The following DIS3L variants were observed in gnomAD, a reference collection of about 807,000 sequenced individuals.
The protein encoded by DIS3L is DIS3 like exosome 3'-5' exoribonuclease.
DIS3L carries 100 observed loss-of-function variants against 120.3 expected under a neutral mutation model. The ratio of observed to expected loss-of-function variants is 0.83; its 90% CI spans 0.71 to 0.98. The LOEUF (loss-of-function observed/expected upper bound fraction) is 0.98, where lower values mean the gene tolerates loss of function less well. Among genes scored for constraint, DIS3L ranks in the 50% least tolerant of loss-of-function variants. DIS3L has a pLI of 0.00. For synonymous variants in DIS3L, 426 were observed against 470.6 expected (o/e 0.91, Z 1.23); for missense variants, 1,196 against 1,314.2 (o/e 0.91, Z 1.39).
At chr15:66,297,901 C>T (rs1048436753) in intron 2 of DIS3L, among the ~76,000 whole-genome samples, 1 of 152,036 alleles carries the variant, frequency 6.6e-6, no homozygotes, top group Non-Finnish European at 1.5e-5. Flanking sequence ...GGAATCAGGC[C>T]AGGCTGAGTA....
chr15:66,327,880 A>T (rs1323768611), intron 12 of DIS3L, among the ~76,000 whole-genome samples: 1 of 152,114 alleles, frequency 6.6e-6, no homozygotes, highest in Non-Finnish European at 1.5e-5. Flanking sequence ...TGCCAACATG[A>T]TGAAACTCTC....
At chr15:66,323,675 C>A in intron 11 of DIS3L, 90 bp downstream of exon 11, 1 of 1,341,730 alleles carries the variant, frequency 7.5e-7, no homozygotes, top group Non-Finnish European at 1.1e-6. Flanking sequence ...TTCTTCTCTG[C>A]TATGCCCCAC....
Position 66,311,817 on chromosome 15 carries a change from C to A in DIS3L, c.652C>A (p.Gln218Lys). Residue 218 changes from glutamine (Q) to lysine (K), a missense_variant, in exon 5 of 17, where the codon CAG becomes AAG. Gln to Lys is a moderately conservative substitution (Grantham distance 53, BLOSUM62 1). Transcript: ENST00000319212. ...QSRRERENES[Q>K]ESHGKEYPEH... The stretch of plus-strand genomic sequence containing the variant: ...TCGACGGGAGAGAGAGAATGAGAGT[C>A]AGGAGAGCCATGGGAAGGAGTACCC... 6.2e-7 allele frequency: 1 copy of A among 1,614,092 alleles called. No homozygotes were observed. The highest frequency in any genetic ancestry group is 8.5e-7 in the Non-Finnish European group (1 of 1,179,998).
At chr15:66,294,522 T>C in intron 1 of DIS3L, 2 of 989,248 alleles carry the variant, frequency 2.0e-6, no homozygotes, top group Non-Finnish European at 2.4e-6. Flanking sequence ...CCTCTGCACG[T>C]TGCTTGCACG....
chr15:66,330,887 G>A (rs1327299362), intron 14 of DIS3L, among the ~76,000 whole-genome samples: 1 of 152,200 alleles, frequency 6.6e-6, no homozygotes, highest in Non-Finnish European at 1.5e-5. Flanking sequence ...AGGTGCAGTG[G>A]CTCACGACTG....
chr15:66,308,599 G>T (rs762231227), intron 3 of DIS3L, 110 bp from the exon 4 acceptor site: 4 of 1,350,386 alleles, frequency 3.0e-6, no homozygotes, highest in South Asian at 1.9e-5. Context: ...TTGAACGAAT[G>T]AATGGTTATC....
intron 3 of DIS3L, among the ~76,000 whole-genome samples, chr15:66,308,186 C>T (rs2140345392): frequency 6.6e-6 from 1 of 152,262 alleles, no homozygotes; most frequent in Middle Eastern, 3.4e-3. Flanking sequence ...TCAGTCAATC[C>T]AGTCCTGCAC....
chr15:66,300,741 G>A (rs1181764608), intron 2 of DIS3L, among the ~76,000 whole-genome samples: 2 of 152,166 alleles, frequency 1.3e-5, no homozygotes, highest in African/African-American at 4.8e-5. Context: ...TGGAGAGAGG[G>A]AACACTAGAG....
At chr15:66,319,589 A>T (rs965501936) in intron 8 of DIS3L, among the ~76,000 whole-genome samples, 41 of 152,230 alleles carry the variant, frequency 2.7e-4, no homozygotes, top group African/African-American at 8.9e-4. Context: ...AAGTATGGGC[A>T]TTGCCCAATT....
intron 2 of DIS3L, among the ~76,000 whole-genome samples, chr15:66,297,807 T>C (rs1424530299): frequency 6.6e-6 from 1 of 152,188 alleles, no homozygotes; most frequent in Non-Finnish European, 1.5e-5. Flanking sequence ...GCTTGTTCCT[T>C]TTGACTCCCT....
chr15:66,305,223 A>G (rs527670502), intron 2 of DIS3L, among the ~76,000 whole-genome samples: 1 of 151,802 alleles, frequency 6.6e-6, no homozygotes, highest in South Asian at 2.1e-4. Context: ...GATGGTCTCG[A>G]TCTCCTGACC....
chr15:66,306,721 A>G, intron 2 of DIS3L, 103 bp from the exon 3 acceptor site: 3 of 1,497,878 alleles, frequency 2.0e-6, no homozygotes, highest in Non-Finnish European at 2.7e-6. Flanking sequence ...AAAGTAATCA[A>G]TCTTTTGCTC....
chr15:66,310,113 CT>C (rs1453505388), intron 4 of DIS3L, among the ~76,000 whole-genome samples: 1 of 152,136 alleles, frequency 6.6e-6, no homozygotes, highest in Non-Finnish European at 1.5e-5. Context: ...GAATAAGGCC[CT>C]GTATTACCCC....
intron 9 of DIS3L, among the ~76,000 whole-genome samples, chr15:66,321,578 A>G (rs1487682895): frequency 6.6e-6 from 1 of 152,102 alleles, no homozygotes; most frequent in Non-Finnish European, 1.5e-5. Context: ...CCTGGCCAAC[A>G]TGATGAAACC....
chr15:66,295,083 A>C lies in DIS3L; in HGVS notation c.235A>C (p.Lys79Gln). 6.2e-7 allele frequency: 1 copy of C among 1,614,146 alleles called. No homozygotes were observed. The highest frequency in any genetic ancestry group is 8.5e-7 in the Non-Finnish European group (1 of 1,180,022). ...TGAGATCCTTGAGTTTCCTGAGTTG[A>C]AGGGAATTATTTTCATGCAGACAGC... The part of the protein sequence containing the change: ...YLEILEFPEL[K>Q]GIIFMQTACQ... Residue 79 changes from lysine to glutamine, a missense_variant, in exon 2 of 17, where the codon AAG (lysine) becomes CAG (glutamine). Transcript: ENST00000319212.
At chr15:66,327,967 G>A (rs951675798) in intron 12 of DIS3L, among the ~76,000 whole-genome samples, 5 of 152,120 alleles carry the variant, frequency 3.3e-5, no homozygotes, top group South Asian at 2.1e-4. Flanking sequence ...TGCGAGAATC[G>A]CTTGAACCTG....
intron 4 of DIS3L, among the ~76,000 whole-genome samples, chr15:66,309,606 T>C (rs551402550): frequency 1.7e-4 from 26 of 152,172 alleles, no homozygotes; most frequent in African/African-American, 5.5e-4. Context: ...ATCTTATTGG[T>C]AAGGAAATGG....
At chr15:66,307,291 T>A (rs1252273893) in intron 3 of DIS3L, among the ~76,000 whole-genome samples, 1 of 152,006 alleles carries the variant, frequency 6.6e-6, no homozygotes, top group Non-Finnish European at 1.5e-5. Flanking sequence ...TTTTGTTTTT[T>A]TATTTTTTTT....
At chr15:66,298,416 T>A (rs2092613371) in intron 2 of DIS3L, among the ~76,000 whole-genome samples, 1 of 152,210 alleles carries the variant, frequency 6.6e-6, no homozygotes, top group African/African-American at 2.4e-5. Flanking sequence ...CATGTTTAAG[T>A]ACTTTAATAC....
Sources: gnomAD v4.1 joint callset for allele counts (sites outside exome capture counted in the v4.1 genomes callset) on GRCh38, gnomAD v4.1.1 for gene constraint, MANE v1.5 for transcripts, NCBI Gene and HGNC (gene_info 2026-07-23, HGNC 2026-07-21) for gene names.